RADIL: variants seen among roughly 807,000 people sequenced by gnomAD.
The protein encoded by RADIL is ras-associating and dilute domain-containing protein.
In RADIL, 99 loss-of-function variants were observed where a neutral mutation model predicts 97.6. The observed-to-expected ratio is 1.01, with a 90% CI of 0.86 to 1.20. The LOEUF is 1.20. Among genes scored for constraint, RADIL ranks in the 50% most tolerant of loss-of-function variants. RADIL has a pLI of 0.00. For synonymous variants in RADIL, 803 were observed against 691.8 expected (o/e 1.16, Z -2.52); for missense variants, 1,765 against 1,498.9 (o/e 1.18, Z -2.93).
In RADIL at chr7:4,803,537, C is replaced by T. The variant is rs1394954460; in HGVS notation, c.2499+9G>A. On this transcript the variant is annotated intron_variant, in intron 11 of 14. Coordinates refer to ENST00000399583, the MANE Select transcript of RADIL (RefSeq NM_018059.5). Reference sequence around the variant, plus strand: ...GGCACGCTGGCTGGGGGGCCCCCTCCCCGGGTACCTCGGGGCACACTGGCT... The same window carrying T: ...GGCACGCTGGCTGGGGGGCCCCCTCTCCGGGTACCTCGGGGCACACTGGCT... 2 of 1,532,370 alleles carry T rather than the reference C, an allele frequency of 1.3e-6. No homozygotes were observed. Among genetic ancestry groups the T allele is most frequent in the East Asian group, 2.5e-5 (1 of 40,462 alleles). 94.9% of individuals were successfully genotyped at this position (1,532,370 alleles called of 1,614,324 possible).
In RADIL at chr7:4,835,216, G is replaced by C. The variant is rs772440191; in HGVS notation, c.807C>G (p.Asn269Lys). The C allele has an allele frequency of 2.5e-6, 4 of 1,610,838 alleles. No individual in the cohort carries two copies. Among genetic ancestry groups the C allele is most frequent in the Middle Eastern group, 1.6e-4 (1 of 6,082 alleles). ...GCTGGCCCACCGTGTGCCGGTCCCG[G>C]TTGAGCACATACACCAGGCTGTCCT... ...QQHDSLVYVLNRDRHTVGQRT... is the reference protein window; with the variant it reads ...QQHDSLVYVLKRDRHTVGQRT... Residue 269 changes from asparagine to lysine, a missense_variant, in exon 4 of 15, where the codon AAC (asparagine) becomes AAG (lysine). Coordinates refer to ENST00000399583, the MANE Select transcript of RADIL (RefSeq NM_018059.5). This position sits in a 1 kb window ranked among gnomAD's most constrained non-coding sequence, Gnocchi z 5.8.
rs1054798896 is a variant in RADIL at position 4,797,435 on chromosome 7, G to C, written c.*1943C>G. The C allele has an allele frequency of 6.6e-6, 1 of 152,250 alleles. No individual in the cohort carries two copies. The highest frequency in any genetic ancestry group is 2.4e-5 in the African/African-American group (1 of 41,450). 9.4% of individuals were successfully genotyped at this position (152,250 alleles called of 1,614,324 possible). ...CCGGAGAATATTGCAGGGAAGAAGA[G>C]ATAAGCCCCCTTCTCTTTGTGGGAG... On this transcript the variant is annotated 3_prime_UTR_variant, in exon 15 of 15. Coordinates refer to ENST00000399583, the MANE Select transcript of RADIL (RefSeq NM_018059.5).
chr7:4,822,635 TGCGC>T lies in RADIL; in HGVS notation c.1455-85_1455-82del. ...ATCTACCACTCTTTCTACATAAGGA[TGCGC>T]GTTTTCATGGGACGCTGACAACAAC... On this transcript the variant is annotated intron_variant, in intron 5 of 14. Transcript: ENST00000399583. This position sits in a 1 kb window ranked among gnomAD's most constrained non-coding sequence, Gnocchi z 5.3. The T allele has an allele frequency of 6.7e-7, 1 of 1,485,366 alleles. No homozygotes were observed. 92.0% of individuals were successfully genotyped at this position (1,485,366 alleles called of 1,614,324 possible).
At chr7:4,847,792 G>A (rs10238698) in intron 2 of RADIL, among the ~76,000 whole-genome samples, 10 of 115,200 alleles carry the variant, frequency 8.7e-5, no homozygotes, top group African/African-American at 3.0e-4. Context: ...CTATATATAC[G>A]AAATATCTGG....
Position 4,854,563 on chromosome 7 carries a change from G to A in RADIL, c.536-17958C>T, listed in dbSNP as rs928334078. ...ACAAAAATTAGCTGGGTATGTTGGCGGGCGCCTGTAATCCCAGCTACTCGG... is the reference window on the plus strand; with the variant it reads ...ACAAAAATTAGCTGGGTATGTTGGCAGGCGCCTGTAATCCCAGCTACTCGG... On this transcript the variant is annotated intron_variant, in intron 2 of 14. Coordinates refer to ENST00000399583, the MANE Select transcript of RADIL (RefSeq NM_018059.5). The surrounding 1 kb of genome is among the most constrained non-coding windows in gnomAD (Gnocchi z 5.1). Among the ~76,000 whole-genome samples the A allele has an allele frequency of 2.0e-5, 3 of 152,064 alleles. No homozygotes were observed. The highest frequency in any genetic ancestry group is 4.8e-5 in the African/African-American group (2 of 41,398).
chr7:4,809,029 C>A lies in RADIL; in HGVS notation c.2140-3313G>T, dbSNP rs796680497. The A allele has an allele frequency of 4.4e-4, 329 of 744,046 alleles. 4 individuals carry two copies. In the African/African-American group the frequency reaches 9.9e-3, roughly 22 times the overall value. 46.1% of individuals were successfully genotyped at this position (744,046 alleles called of 1,614,324 possible). ...TCCGACGCCACTGCCCCCCCTTGTC[C>A]CCTTCCGACGCCACTGCCCCCCCGT... On this transcript the variant is annotated intron_variant, in intron 9 of 14. Transcript: ENST00000399583.
intron 2 of RADIL, among the ~76,000 whole-genome samples, chr7:4,866,122 G>A (rs565121712): frequency 6.6e-6 from 1 of 152,244 alleles, no homozygotes; most frequent in Admixed American, 6.5e-5. Context: ...TTATATCTGT[G>A]TGTGTGCGTG....
intron 2 of RADIL, among the ~76,000 whole-genome samples, chr7:4,871,567 G>C (rs1784255830): frequency 6.6e-6 from 1 of 152,206 alleles, no homozygotes; most frequent in Admixed American, 6.5e-5. Context: ...TCGCAGCACT[G>C]GGGGCAGGAG....
At chr7:4,847,915 G>A (rs1201864741) in intron 2 of RADIL, among the ~76,000 whole-genome samples, 1 of 152,138 alleles carries the variant, frequency 6.6e-6, no homozygotes, top group African/African-American at 2.4e-5. Context: ...AAACGTGCCG[G>A]CCGGGTGCAG....
At chr7:4,860,737 C>G in intron 2 of RADIL, 1 of 1,614,144 alleles carries the variant, frequency 6.2e-7, no homozygotes, top group Non-Finnish European at 8.5e-7. Flanking sequence ...GTTTGGACCA[C>G]TCTGCCTTAC....
In RADIL at chr7:4,835,473, A is replaced by G. The variant is rs966304209; in HGVS notation, c.784-234T>C. On this transcript the variant is annotated intron_variant, in intron 3 of 14. Coordinates refer to ENST00000399583, the MANE Select transcript of RADIL (RefSeq NM_018059.5). This position sits in a 1 kb window ranked among gnomAD's most constrained non-coding sequence, Gnocchi z 5.8. ...TCCCGGAGGAGCACACGAGAGACCC[A>G]GGAGACACCCAGCTTTGAGACAGCG... 6.6e-6 allele frequency among the ~76,000 whole-genome samples: 1 copy of G among 152,160 alleles called. No individual in the cohort carries two copies. The highest frequency in any genetic ancestry group is 2.4e-5 in the African/African-American group (1 of 41,444).
At chr7:4,808,512 GT>G (rs1365293630) in intron 9 of RADIL, 1 of 930,548 alleles carries the variant, frequency 1.1e-6, no homozygotes, top group Non-Finnish European at 1.3e-6. Context: ...TGGTTTTCAC[GT>G]TTTTAAAGGG....
In RADIL at chr7:4,819,469, C is replaced by T. The variant is rs934313970; in HGVS notation, c.1616-2118G>A. 1.3e-5 allele frequency among the ~76,000 whole-genome samples: 2 copies of T among 152,096 alleles called. No homozygotes were observed. Among genetic ancestry groups the T allele is most frequent in the Non-Finnish European group, 2.9e-5 (2 of 68,010 alleles). On this transcript the variant is annotated intron_variant, in intron 6 of 14. Transcript: ENST00000399583. The surrounding 1 kb of genome is among the most constrained non-coding windows in gnomAD (Gnocchi z 5.8). ...GCCCACGAGCCATTAAGAGGACACA[C>T]CAGCCGGCTGCCCCTGCCCTGCCCC...
At position 4,819,073 on chromosome 7, in the gene RADIL, T is replaced by TCTC. The variant is rs540955989; in HGVS notation, c.1616-1723_1616-1722insGAG. Among the ~76,000 whole-genome samples, 6 of 114,008 alleles carry TCTC rather than the reference T, an allele frequency of 5.3e-5. No homozygotes were observed. Among genetic ancestry groups the TCTC allele is most frequent in the African/African-American group, 2.0e-4 (6 of 30,738 alleles). 74.8% of individuals were successfully genotyped at this position (114,008 alleles called of 152,430 possible). On this transcript the variant is annotated intron_variant, in intron 6 of 14. Transcript: ENST00000399583. The surrounding 1 kb of genome is among the most constrained non-coding windows in gnomAD (Gnocchi z 5.8). ...CTCCATTTCTCTCTCTCTCTCTCTC[T>TCTC]TTTTTTTTTTTTTTTAAAGACAGAG... is the stretch of plus-strand genomic sequence containing the variant.
At chr7:4,809,825 T>G (rs2115177522) in intron 9 of RADIL, among the ~76,000 whole-genome samples, 1 of 152,016 alleles carries the variant, frequency 6.6e-6, no homozygotes, top group Middle Eastern at 3.4e-3. Flanking sequence ...TGGCTAATTT[T>G]TGTATTTTTA....
intron 2 of RADIL, among the ~76,000 whole-genome samples, chr7:4,850,608 C>T (rs918644358): frequency 2.6e-5 from 4 of 152,138 alleles, no homozygotes; most frequent in African/African-American, 9.7e-5. Context: ...CACGGGGCAA[C>T]CTGACAACAG....
chr7:4,866,697 T>C (rs926217637), intron 2 of RADIL, among the ~76,000 whole-genome samples: 3 of 152,220 alleles, frequency 2.0e-5, no homozygotes, highest in Admixed American at 2.0e-4. Context: ...GGGAGACTTA[T>C]CCTGGGTCAG....
At chr7:4,843,178 TA>T (rs1222986811) in intron 2 of RADIL, among the ~76,000 whole-genome samples, 5 of 137,822 alleles carry the variant, frequency 3.6e-5, no homozygotes, top group African/African-American at 1.4e-4. Flanking sequence ...CCCCGCCAGC[TA>T]ATTTTTTGTA....
chr7:4,800,336 T>C (rs1782040232), intron 12 of RADIL, 26 bp from the exon 13 acceptor site: 2 of 1,423,020 alleles, frequency 1.4e-6, no homozygotes, highest in Non-Finnish European at 1.8e-6. Context: ...GAAAGGTGGG[T>C]GGGAGTGAGG....
Sources: gnomAD v4.1 joint callset for allele counts (sites outside exome capture counted in the v4.1 genomes callset) on GRCh38, gnomAD v4.1.1 for gene constraint, Gnocchi (gnomAD v3.1) non-coding constraint, MANE v1.5 for transcripts, NCBI Gene and HGNC (gene_info 2026-07-23, HGNC 2026-07-21) for gene names.